SLIT1: variants seen among roughly 807,000 people sequenced by gnomAD.
SLIT1 encodes the protein slit homolog 1 protein.
Under a neutral mutation model 186.1 loss-of-function variants are expected in SLIT1, and 66 were observed. The ratio of observed to expected loss-of-function variants is 0.35; its 90% confidence interval spans 0.29 to 0.44. The LOEUF (loss-of-function observed/expected upper bound fraction) is 0.44. Among genes scored for constraint, SLIT1 ranks in the 20% least tolerant of loss-of-function variants. The pLI, the probability that SLIT1 is intolerant of heterozygous loss-of-function variation, is 1.00. For missense variants in SLIT1, 1,638 were observed against 2,037.4 expected, an observed-to-expected ratio of 0.80 and a Z score of 3.77; for synonymous variants, 761 against 833.8, an observed-to-expected ratio of 0.91 and a Z score of 1.50.
chr10:97,185,274 G>C (rs892962928), intron 1 of SLIT1, among the ~76,000 whole-genome samples: 1 of 152,262 alleles, frequency 6.6e-6, no homozygotes, highest in Non-Finnish European at 1.5e-5. Flanking sequence ...ACCCCGCCGA[G>C]GGCCCTTTGA....
At chr10:97,094,993 G>A (rs1849272168) in intron 4 of SLIT1, among the ~76,000 whole-genome samples, 1 of 152,194 alleles carries the variant, frequency 6.6e-6, no homozygotes, top group Admixed American at 6.5e-5. Context: ...AAGAGAGAGA[G>A]AGAGATAGGC....
chr10:97,116,481 G>C (rs1589399690), intron 4 of SLIT1, among the ~76,000 whole-genome samples: 1 of 152,104 alleles, frequency 6.6e-6, no homozygotes, highest in East Asian at 1.9e-4. Flanking sequence ...CTACCCACAG[G>C]TCTAGCCCGG....
intron 5 of SLIT1, chr10:97,065,621 C>T (rs937709533): frequency 2.6e-5 from 5 of 192,140 alleles, no homozygotes; most frequent in Admixed American, 5.3e-5. Flanking sequence ...CGAGGCTCAG[C>T]GATGTTCACT....
chr10:97,146,460 C>T (rs999498096), intron 4 of SLIT1, among the ~76,000 whole-genome samples: 20 of 152,128 alleles, frequency 1.3e-4, no homozygotes, highest in Admixed American at 1.0e-3. Flanking sequence ...CCTCTTGGAT[C>T]CCCTTCTCCC....
intron 3 of SLIT1, among the ~76,000 whole-genome samples, chr10:97,159,392 A>G (rs975407861): frequency 2.7e-5 from 4 of 147,326 alleles, no homozygotes; most frequent in Admixed American, 2.0e-4. Context: ...GGATAAAATC[A>G]TCAATACAAT....
At chr10:97,052,122 G>A (rs1310364090) in intron 13 of SLIT1, among the ~76,000 whole-genome samples, 1 of 143,258 alleles carries the variant, frequency 7.0e-6, no homozygotes, top group African/African-American at 2.6e-5. Flanking sequence ...TTTTTTTGGA[G>A]TCGGTCTCAG....
intron 26 of SLIT1, among the ~76,000 whole-genome samples, chr10:97,020,697 G>C (rs1193635003): frequency 6.6e-6 from 1 of 152,252 alleles, no homozygotes; most frequent in Non-Finnish European, 1.5e-5. Flanking sequence ...CGGCCCCGGC[G>C]GCCACTCAGC....
At chr10:97,083,492 C>T (rs1165479606) in intron 4 of SLIT1, among the ~76,000 whole-genome samples, 6 of 152,178 alleles carry the variant, frequency 3.9e-5, no homozygotes, top group African/African-American at 1.4e-4. Flanking sequence ...AGAGTGCGAT[C>T]GTGAACATTC....
chr10:97,081,439 C>T (rs561318452), intron 4 of SLIT1, among the ~76,000 whole-genome samples: 1 of 152,300 alleles, frequency 6.6e-6, no homozygotes, highest in Admixed American at 6.5e-5. Flanking sequence ...TTTCCATTCC[C>T]TCTTCCTCAG....
At chr10:97,180,207 T>A (rs1850316391) in intron 1 of SLIT1, among the ~76,000 whole-genome samples, 1 of 152,230 alleles carries the variant, frequency 6.6e-6, no homozygotes, top group African/African-American at 2.4e-5. Flanking sequence ...TTCCTTCACA[T>A]CCCTGCAATT....
At chr10:97,172,806 A>G (rs1233385784) in intron 1 of SLIT1, among the ~76,000 whole-genome samples, 2 of 151,966 alleles carry the variant, frequency 1.3e-5, no homozygotes, top group East Asian at 1.9e-4. Context: ...AGGTGGGGGG[A>G]TCACTTGAGC....
intron 4 of SLIT1, among the ~76,000 whole-genome samples, chr10:97,136,828 A>G (rs1417975592): frequency 6.6e-6 from 1 of 152,234 alleles, no homozygotes; most frequent in Non-Finnish European, 1.5e-5. Flanking sequence ...GGTCACCAGG[A>G]ACACCTCTCA....
chr10:97,038,777 T>G (rs1262599091), intron 21 of SLIT1, among the ~76,000 whole-genome samples: 2 of 152,182 alleles, frequency 1.3e-5, no homozygotes, highest in African/African-American at 4.8e-5. Flanking sequence ...TCGCTCTGCA[T>G]CATACAAACT....
chr10:97,155,893 A>C (rs1032132080), intron 4 of SLIT1, among the ~76,000 whole-genome samples: 2 of 152,270 alleles, frequency 1.3e-5, no homozygotes, highest in African/African-American at 4.8e-5. Context: ...GAGAGAAAAC[A>C]GGAGTTGCTG....
chr10:97,141,155 C>G (rs115269420), intron 4 of SLIT1, among the ~76,000 whole-genome samples: 2 of 152,170 alleles, frequency 1.3e-5, no homozygotes, highest in African/African-American at 4.8e-5. Flanking sequence ...CTGGCAGATG[C>G]GGATTCAGCC....
Position 97,122,828 on chromosome 10 carries a change from T to G in SLIT1, c.413+34990A>C, listed in dbSNP as rs886732891. On this transcript the variant is annotated intron_variant, in intron 4 of 36. Coordinates refer to ENST00000266058, the MANE Select transcript of SLIT1 (RefSeq NM_003061.3). ...TTAGAAAGTCCGTCCTAGAGCTGCT[T>G]CTTCTCTGAGTTCTTCAGACAGACT... Among the ~76,000 whole-genome samples the G allele has an allele frequency of 3.3e-5, 5 of 152,178 alleles. No homozygotes were observed. In the East Asian group the frequency reaches 7.7e-4, roughly 24 times the overall value.
intron 13 of SLIT1, among the ~76,000 whole-genome samples, chr10:97,053,913 T>G (rs1032477800): frequency 6.6e-6 from 1 of 152,142 alleles, no homozygotes; most frequent in African/African-American, 2.4e-5. Flanking sequence ...TAATCCCCAG[T>G]GTTGGAGGCG....
intron 4 of SLIT1, among the ~76,000 whole-genome samples, chr10:97,091,792 C>G (rs905859034): frequency 6.6e-6 from 1 of 152,192 alleles, no homozygotes; most frequent in Non-Finnish European, 1.5e-5. Flanking sequence ...AGGGCTTGGA[C>G]CCCCCTCTGT....
At position 97,064,347 on chromosome 10, in the gene SLIT1, C is replaced by T. The variant is rs138971240; in HGVS notation, c.558-108G>A. 3.2e-3 allele frequency: 2,799 copies of T among 876,906 alleles called. 11 individuals carry two copies. The highest frequency in any genetic ancestry group is 0.012 in the Middle Eastern group (56 of 4,612). The allele number at this position is 876,906 out of a possible 1,614,324, so 54.3% of individuals were successfully genotyped here. The stretch of plus-strand genomic sequence containing the variant: ...AGGCTCTCGACCTTAAAGTGACCAG[C>T]ACGGGGCTGGACATGGAGGAGCTAA... On this transcript the variant is annotated intron_variant, in intron 6 of 36. Transcript: ENST00000266058.
Sources: gnomAD v4.1 joint callset for allele counts (sites outside exome capture counted in the v4.1 genomes callset) on GRCh38, gnomAD v4.1.1 for gene constraint, MANE v1.5 for transcripts, NCBI Gene and HGNC (gene_info 2026-07-23, HGNC 2026-07-21) for gene names.